Variants in CEP70 observed in about 807,000 individuals in gnomAD.
CEP70 encodes the protein centrosomal protein of 70 kDa.
A neutral mutation model predicts 90.9 loss-of-function variants in CEP70; 70 were observed. The observed-to-expected ratio is 0.77, with a 90% CI of 0.64 to 0.94. The LOEUF is 0.94. Ranked by LOEUF, CEP70 falls within the 40% of genes least tolerant of loss-of-function variation. CEP70 has a pLI of 0.00. For synonymous variants in CEP70, 220 were observed against 228.3 expected (o/e 0.96, Z 0.33); for missense variants, 648 against 669.0 (o/e 0.97, Z 0.35).
At chr3:138,505,097 T>C (rs2034859509) in intron 13 of CEP70, among the ~76,000 whole-genome samples, 198 bp downstream of exon 13, 1 of 152,116 alleles carries the variant, frequency 6.6e-6, no homozygotes, top group African/African-American at 2.4e-5. Context: ...AATGACAACA[T>C]CAAATAGACA....
chr3:138,556,527 C>CAAAA (rs57583939), intron 6 of CEP70, among the ~76,000 whole-genome samples: 6 of 69,604 alleles, frequency 8.6e-5, no homozygotes, highest in African/African-American at 1.2e-4. Flanking sequence ...GACTCTGTCT[C>CAAAA]AAAAAAAAAA....
At chr3:138,496,063 T>C (rs910085637) in intron 17 of CEP70, 1 of 985,316 alleles carries the variant, frequency 1.0e-6, no homozygotes, top group Admixed American at 6.1e-5. Flanking sequence ...CTGAAGCTCC[T>C]GGCCACCAAA....
chr3:138,512,758 T>C (rs2035644817), intron 11 of CEP70, among the ~76,000 whole-genome samples: 1 of 152,204 alleles, frequency 6.6e-6, no homozygotes, highest in African/African-American at 2.4e-5. Flanking sequence ...CTTTATAGCT[T>C]TTAACTGTGT....
intron 8 of CEP70, 68 bp downstream of exon 8, chr3:138,532,446 C>T: frequency 7.4e-7 from 1 of 1,345,960 alleles, no homozygotes; most frequent in Non-Finnish European, 9.8e-7. Flanking sequence ...GTTTCAAAAG[C>T]TACAGAAACT....
At chr3:138,565,647 T>C (rs554860124) in intron 6 of CEP70, among the ~76,000 whole-genome samples, 1 of 152,294 alleles carries the variant, frequency 6.6e-6, no homozygotes, top group Non-Finnish European at 1.5e-5. Context: ...TGCAGAAAAC[T>C]GAAACTGGAC....
rs187646819 is a variant in CEP70, at chr3:138,498,683, C to T, written c.1653-573G>A. Among the ~76,000 whole-genome samples the T allele has an allele frequency of 2.8e-3, 428 of 152,160 alleles. 4 individuals are homozygous for T. The highest frequency in any genetic ancestry group is 9.9e-3 in the African/African-American group (412 of 41,528). ...AAATTTCCCATTAAGCTCAAGGCTT[C>T]TTAGATCATGCTTTTACAGCATTTT... On this transcript the variant is annotated intron_variant, in intron 16 of 17. Transcript: ENST00000264982.
intron 2 of CEP70, among the ~76,000 whole-genome samples, chr3:138,577,366 G>C (rs929613597): frequency 1.3e-5 from 2 of 152,018 alleles, no homozygotes; most frequent in African/African-American, 4.8e-5. Flanking sequence ...ATAAACCCAA[G>C]GGTCAGGCAC....
At chr3:138,520,992 T>C (rs2036563922) in intron 11 of CEP70, among the ~76,000 whole-genome samples, 1 of 152,162 alleles carries the variant, frequency 6.6e-6, no homozygotes, top group Non-Finnish European at 1.5e-5. Flanking sequence ...TATTTTTTGG[T>C]GGAGACGGGG....
intron 17 of CEP70, chr3:138,497,439 A>G: frequency 8.9e-7 from 1 of 1,118,220 alleles, no homozygotes; most frequent in Non-Finnish European, 1.1e-6. Context: ...AAATAATTTT[A>G]TAGCCATATG....
At position 138,587,999 on chromosome 3, in the gene CEP70, G is replaced by GT. The variant is rs947698070; in HGVS notation, c.-6+3854dup. 3.0e-3 allele frequency among the ~76,000 whole-genome samples: 433 copies of GT among 145,084 alleles called. 2 individuals carry two copies. Among genetic ancestry groups the GT allele is most frequent in the East Asian group, 0.013 (65 of 5,006 alleles). On this transcript the variant is annotated intron_variant, in intron 2 of 17. Coordinates refer to ENST00000264982, the MANE Select transcript of CEP70 (RefSeq NM_024491.4). ...AGGTAATTTAGCAGGAAAAACGATAGTTTTTTTTTTTCAATAAATGATGCT... is the reference window on the plus strand; with the variant it reads ...AGGTAATTTAGCAGGAAAAACGATAGTTTTTTTTTTTTCAATAAATGATGCT...
At chr3:138,505,547 C>G in intron 12 of CEP70, 82 bp from the exon 13 acceptor site, 8 of 807,424 alleles carry the variant, frequency 9.9e-6, no homozygotes, top group Non-Finnish European at 1.5e-5. Context: ...TGCTTTATGT[C>G]TATATATATT....
In CEP70 at chr3:138,591,841, A is replaced by G; in HGVS notation, c.-6+13T>C. 1.3e-6 allele frequency: 2 copies of G among 1,532,280 alleles called. No individual in the cohort carries two copies. The allele number at this position is 1,532,280 out of a possible 1,614,324, so 94.9% of individuals were successfully genotyped here. On this transcript the variant is annotated intron_variant, in intron 2 of 17. Coordinates refer to ENST00000264982, the MANE Select transcript of CEP70 (RefSeq NM_024491.4). ...CTCCCAACATCTGGAGTCATCCGTT[A>G]CATTAGACATACCTCAGTCATAGCA...
chr3:138,538,314 C>A (rs2038462044), intron 6 of CEP70, among the ~76,000 whole-genome samples: 1 of 152,182 alleles, frequency 6.6e-6, no homozygotes, highest in Non-Finnish European at 1.5e-5. Context: ...GTAGGAGGTA[C>A]ACTCTACAGG....
chr3:138,530,964 G>T, intron 8 of CEP70: 1 of 368,982 alleles, frequency 2.7e-6, no homozygotes, highest in Non-Finnish European at 3.7e-6. Flanking sequence ...TCTTTTTATT[G>T]CTGCAAATTT....
chr3:138,552,368 T>C (rs2039684461), intron 6 of CEP70, among the ~76,000 whole-genome samples: 1 of 152,190 alleles, frequency 6.6e-6, no homozygotes, highest in South Asian at 2.1e-4. Context: ...AACTGTAGAA[T>C]ATACATTCTA....
intron 17 of CEP70, chr3:138,497,037 G>A (rs913971352): frequency 7.0e-6 from 7 of 1,002,796 alleles, no homozygotes; most frequent in Non-Finnish European, 8.3e-6. Flanking sequence ...CAGGATATCA[G>A]ACAACACACT....
At chr3:138,549,443 C>T (rs2039460763) in intron 6 of CEP70, among the ~76,000 whole-genome samples, 3 of 151,684 alleles carry the variant, frequency 2.0e-5, no homozygotes, top group Non-Finnish European at 4.4e-5. Flanking sequence ...TCCTGCTTTC[C>T]CCAACTTCCC....
chr3:138,545,474 T>C (rs1344379518), intron 6 of CEP70, among the ~76,000 whole-genome samples: 2 of 152,202 alleles, frequency 1.3e-5, no homozygotes, highest in South Asian at 2.1e-4. Flanking sequence ...ATTGTACAAA[T>C]TGATTGTAAA....
chr3:138,577,580 G>A lies in CEP70; in HGVS notation c.-5-4648C>T, dbSNP rs147638271. 4.4e-3 allele frequency among the ~76,000 whole-genome samples: 677 copies of A among 152,220 alleles called. 2 individuals carry two copies. Among genetic ancestry groups the A allele is most frequent in the African/African-American group, 0.016 (654 of 41,522 alleles). ...GGAGAATCACTTGAACCCAGGAGAT[G>A]GAAGTTGCAGTGAGACGAGATGGTG... On this transcript the variant is annotated intron_variant, in intron 2 of 17. Coordinates refer to ENST00000264982, the MANE Select transcript of CEP70 (RefSeq NM_024491.4).
Sources: gnomAD v4.1 joint callset for allele counts (sites outside exome capture counted in the v4.1 genomes callset) on GRCh38, gnomAD v4.1.1 for gene constraint, MANE v1.5 for transcripts, NCBI Gene and HGNC (gene_info 2026-07-23, HGNC 2026-07-21) for gene names.